ZFHX4: variants seen among roughly 807,000 people sequenced by gnomAD.
ZFHX4 encodes zinc finger homeobox 4.
In ZFHX4, 56 loss-of-function variants were observed where a neutral mutation model predicts 267.6. The ratio of observed to expected loss-of-function variants is 0.21; its 90% CI spans 0.17 to 0.26. The LOEUF is 0.26. Ranked by LOEUF, ZFHX4 falls within the 10% of genes least tolerant of loss-of-function variation. The pLI is 1.00. For missense variants in ZFHX4, 4,332 were observed against 4,420.0 expected, an observed-to-expected ratio of 0.98 and a Z score of 0.56; for synonymous variants, 1,778 against 1,665.6, an observed-to-expected ratio of 1.07 and a Z score of -1.64.
intron 4 of ZFHX4, among the ~76,000 whole-genome samples, chr8:76,814,056 A>G (rs193052186): frequency 1.3e-5 from 2 of 152,168 alleles, no homozygotes; most frequent in Admixed American, 6.6e-5. Context: ...TTCTTCCGTA[A>G]CATTGTCTTT....
In ZFHX4 at chr8:76,863,473, C is replaced by T. The variant is rs749953938; in HGVS notation, c.9759C>T (p.Asp3253=). 3.1e-6 allele frequency: 5 copies of T among 1,613,668 alleles called. No homozygotes were observed. The highest frequency in any genetic ancestry group is 4.2e-6 in the Non-Finnish European group (5 of 1,179,784). The change falls in exon 11 of 11, where the codon GAC becomes GAT. Residue 3253 remains aspartate, a synonymous_variant. Transcript: ENST00000651372. ...LQALQNAIAG[D]PASFIGGQFL... ...CATTACAGAATGCAATTGCTGGTGA[C>T]CCAGCTTCCTTTATAGGCGGACAGT...
At chr8:76,725,915 G>A (rs1354477227) in intron 3 of ZFHX4, among the ~76,000 whole-genome samples, 1 of 152,140 alleles carries the variant, frequency 6.6e-6, no homozygotes, top group Non-Finnish European at 1.5e-5. Context: ...ATACCAGTTA[G>A]CAGTGTCACA....
At chr8:76,859,515 A>AC (rs1415232104) in intron 10 of ZFHX4, among the ~76,000 whole-genome samples, 5 of 152,130 alleles carry the variant, frequency 3.3e-5, no homozygotes, top group Admixed American at 1.3e-4. Flanking sequence ...TTGGGATTAC[A>AC]CTCAAAGTGA....
intron 6 of ZFHX4, among the ~76,000 whole-genome samples, chr8:76,847,567 A>G (rs148719456): frequency 1.0e-3 from 158 of 152,196 alleles, no homozygotes; most frequent in African/African-American, 3.4e-3. Flanking sequence ...TGTATCTACC[A>G]TGAACCCCAA....
intron 4 of ZFHX4, among the ~76,000 whole-genome samples, chr8:76,789,257 G>A (rs1006696882): frequency 1.3e-5 from 2 of 152,026 alleles, no homozygotes; most frequent in Non-Finnish European, 2.9e-5. Flanking sequence ...CAAACATTTT[G>A]GCTAAATTCT....
intron 4 of ZFHX4, among the ~76,000 whole-genome samples, chr8:76,822,949 A>G (rs967366626): frequency 6.6e-6 from 1 of 152,146 alleles, no homozygotes; most frequent in Non-Finnish European, 1.5e-5. Flanking sequence ...ATAAACTTAT[A>G]TGTTTACTAA....
At chr8:76,738,976 A>T (rs1182598728) in intron 3 of ZFHX4, among the ~76,000 whole-genome samples, 1 of 151,982 alleles carries the variant, frequency 6.6e-6, no homozygotes, top group East Asian at 1.9e-4. Flanking sequence ...CAGCCTCCCA[A>T]ACTTCTGGTA....
At chr8:76,858,974 T>C (rs1160820112) in intron 10 of ZFHX4, among the ~76,000 whole-genome samples, 1 of 152,150 alleles carries the variant, frequency 6.6e-6, no homozygotes, top group Admixed American at 6.6e-5. Context: ...TAGAAGGAAA[T>C]CACTAAAAAT....
chr8:76,737,349 T>C (rs1230221606), intron 3 of ZFHX4, among the ~76,000 whole-genome samples: 1 of 152,212 alleles, frequency 6.6e-6, no homozygotes, highest in Non-Finnish European at 1.5e-5. Flanking sequence ...TACCTTGCCA[T>C]AAAATGGCCA....
At chr8:76,737,595 C>T (rs1585895758) in intron 3 of ZFHX4, among the ~76,000 whole-genome samples, 2 of 152,162 alleles carry the variant, frequency 1.3e-5, no homozygotes, top group East Asian at 3.8e-4. Context: ...CCTCTCTAAC[C>T]TTCCGTTTCT....
intron 10 of ZFHX4, 59 bp from the exon 11 acceptor site, chr8:76,863,034 AC>A (rs770698558): frequency 7.8e-5 from 114 of 1,452,686 alleles, no homozygotes; most frequent in Admixed American, 1.1e-4. Flanking sequence ...TGTTAAGCAT[AC>A]AGCCTTCCGA....
At chr8:76,703,646 C>G (rs1808161275) in intron 1 of ZFHX4, 1 of 156,380 alleles carries the variant, frequency 6.4e-6, no homozygotes, top group Admixed American at 6.3e-5. Context: ...TAAGTTATTT[C>G]TGTTGTTCTT....
intron 3 of ZFHX4, among the ~76,000 whole-genome samples, chr8:76,720,416 G>A (rs942382623): frequency 2.0e-5 from 3 of 152,030 alleles, no homozygotes; most frequent in African/African-American, 7.2e-5. Flanking sequence ...CCCATTAATT[G>A]CTGGACATTT....
intron 4 of ZFHX4, among the ~76,000 whole-genome samples, chr8:76,792,286 G>A (rs1226374421): frequency 6.6e-6 from 1 of 152,098 alleles, no homozygotes; most frequent in Non-Finnish European, 1.5e-5. Context: ...AAAAAAGCAA[G>A]GAACAGATTT....
intron 2 of ZFHX4, 114 bp from the exon 3 acceptor site, chr8:76,707,432 T>C (rs1479551419): frequency 5.3e-6 from 5 of 950,542 alleles, no homozygotes; most frequent in Non-Finnish European, 7.5e-6. Flanking sequence ...CAGCTTTTTA[T>C]AGTTTAAGCT....
intron 8 of ZFHX4, 37 bp downstream of exon 8, chr8:76,849,749 T>C (rs1309207909): frequency 1.3e-6 from 2 of 1,548,656 alleles, no homozygotes; most frequent in Non-Finnish European, 1.8e-6. Context: ...TGTGACATAA[T>C]CTGTGTCAGG....
At chr8:76,819,825 G>A (rs550644654) in intron 4 of ZFHX4, among the ~76,000 whole-genome samples, 23 of 152,278 alleles carry the variant, frequency 1.5e-4, no homozygotes, top group Admixed American at 3.3e-4. Flanking sequence ...ACAATTAATA[G>A]TGTATGCAAA....
chr8:76,692,000 T>C (rs1807837959), intron 1 of ZFHX4, among the ~76,000 whole-genome samples: 1 of 152,060 alleles, frequency 6.6e-6, no homozygotes, highest in Non-Finnish European at 1.5e-5. Context: ...TATCCTTCTT[T>C]TGATATTTTC....
intron 3 of ZFHX4, among the ~76,000 whole-genome samples, chr8:76,771,521 C>T (rs1371413575): frequency 6.6e-6 from 1 of 152,136 alleles, no homozygotes; most frequent in African/African-American, 2.4e-5. Flanking sequence ...TTACTGCAGC[C>T]TCCAACTCTT....
Sources: allele counts gnomAD v4.1 joint callset (sites outside exome capture counted in the v4.1 genomes callset), GRCh38; gene constraint gnomAD v4.1.1; transcripts MANE v1.5; gene names NCBI Gene and HGNC (gene_info 2026-07-23, HGNC 2026-07-21).